The following NCK1 variants were observed in gnomAD, a reference collection of about 807,000 sequenced individuals.
NCK1 encodes NCK adaptor protein 1.
In NCK1, 19 loss-of-function variants were observed where a neutral mutation model predicts 36.6. The ratio of observed to expected loss-of-function variants is 0.52; its 90% CI spans 0.36 to 0.76. NCK1 has a LOEUF of 0.76. Ranked by LOEUF, NCK1 falls within the 30% of genes least tolerant of loss-of-function variation. The pLI is 0.00. For synonymous variants in NCK1, 165 were observed against 156.0 expected, an observed-to-expected ratio of 1.06 and a Z score of -0.43; for missense variants, 358 against 445.6, an observed-to-expected ratio of 0.80 and a Z score of 1.77.
chr3:136,918,535 T>C (rs1008745826), intron 1 of NCK1, among the ~76,000 whole-genome samples: 4 of 152,156 alleles, frequency 2.6e-5, no homozygotes, highest in Non-Finnish European at 5.9e-5. Context: ...GATTTTGGTA[T>C]TGGGGAGGAG....
intron 1 of NCK1, among the ~76,000 whole-genome samples, chr3:136,918,152 G>T (rs901862180): frequency 3.3e-5 from 5 of 152,026 alleles, no homozygotes; most frequent in Admixed American, 6.6e-5. Context: ...TGGTTTTATT[G>T]ATCCAGCAAG....
chr3:136,913,740 C>T (rs539909068), intron 1 of NCK1, among the ~76,000 whole-genome samples: 161 of 152,332 alleles, frequency 1.1e-3, no homozygotes, highest in African/African-American at 3.6e-3. Context: ...GCGATCTCGG[C>T]CCACTGCAAG....
At chr3:136,944,286 T>C (rs1275527300) in intron 2 of NCK1, among the ~76,000 whole-genome samples, 2 of 151,798 alleles carry the variant, frequency 1.3e-5, no homozygotes, top group African/African-American at 4.8e-5. Flanking sequence ...ACCCAGCTAA[T>C]TTTTGTATTT....
chr3:136,915,960 G>A (rs1576975286), intron 1 of NCK1, among the ~76,000 whole-genome samples: 2 of 152,138 alleles, frequency 1.3e-5, no homozygotes, highest in South Asian at 2.1e-4. Flanking sequence ...TCCTGAGCCC[G>A]GGTGATCTGC....
intron 1 of NCK1, among the ~76,000 whole-genome samples, chr3:136,863,188 T>C (rs1938297583): frequency 6.6e-6 from 1 of 152,074 alleles, no homozygotes; most frequent in African/African-American, 2.4e-5. Flanking sequence ...CCCTAGAAAT[T>C]AGGAAAGAAT....
chr3:136,890,261 C>T (rs958546944), intron 1 of NCK1, among the ~76,000 whole-genome samples: 20 of 152,252 alleles, frequency 1.3e-4, no homozygotes, highest in Admixed American at 6.5e-5. Flanking sequence ...CCCCACTGTC[C>T]GGCCGGCAGG....
At chr3:136,899,712 G>T (rs1482414472) in intron 1 of NCK1, 3 of 818,110 alleles carry the variant, frequency 3.7e-6, no homozygotes, top group Non-Finnish European at 6.5e-6. Context: ...GATACGAGGA[G>T]ACTTACTCAC....
chr3:136,947,505 T>C (rs1445608843), intron 3 of NCK1, among the ~76,000 whole-genome samples: 1 of 152,128 alleles, frequency 6.6e-6, no homozygotes, highest in African/African-American at 2.4e-5. Context: ...TTCACAGTGT[T>C]TTTTAAACAT....
intron 1 of NCK1, among the ~76,000 whole-genome samples, chr3:136,892,927 A>G (rs558188445): frequency 6.0e-4 from 91 of 152,002 alleles, no homozygotes; most frequent in African/African-American, 2.1e-3. Flanking sequence ...AGCAATGTAC[A>G]CTGTACCCAA....
chr3:136,871,395 C>T lies in NCK1; in HGVS notation c.-19+9042C>T, dbSNP rs550783588. The stretch of plus-strand genomic sequence containing the variant: ...CTTGGGGGACAGAGCGAGACGCTGT[C>T]TAAAAAAAACAAAATTAAAAATTTG... On this transcript the variant is annotated intron_variant, in intron 1 of 3. Coordinates refer to ENST00000481752, the MANE Select transcript of NCK1 (RefSeq NM_001291999.2). 2.6e-5 allele frequency among the ~76,000 whole-genome samples: 4 copies of T among 151,710 alleles called. No individual in the cohort carries two copies. In the South Asian group the frequency reaches 8.3e-4, roughly 32 times the overall value.
chr3:136,875,862 A>G (rs2108072705), intron 1 of NCK1, among the ~76,000 whole-genome samples: 1 of 151,160 alleles, frequency 6.6e-6, no homozygotes, highest in African/African-American at 2.4e-5. Flanking sequence ...TTTTTTCAGC[A>G]CCACACCACA....
intron 3 of NCK1, chr3:136,946,795 C>T (rs2108154991): frequency 6.6e-6 from 1 of 152,618 alleles, no homozygotes; most frequent in Middle Eastern, 3.4e-3. Flanking sequence ...TTTATTATAA[C>T]CTCAAAAAAC....
At chr3:136,941,575 A>G (rs141521782) in intron 2 of NCK1, among the ~76,000 whole-genome samples, 2 of 152,144 alleles carry the variant, frequency 1.3e-5, no homozygotes, top group Admixed American at 1.3e-4. Flanking sequence ...AGTACTATGC[A>G]TAACTCTGCT....
intron 1 of NCK1, among the ~76,000 whole-genome samples, chr3:136,866,681 T>G (rs1186506656): frequency 6.6e-6 from 1 of 151,704 alleles, no homozygotes; most frequent in Admixed American, 6.6e-5. Context: ...TGGCACCATC[T>G]TGGCTCACTG....
chr3:136,933,403 C>T (rs1003803754), intron 2 of NCK1, among the ~76,000 whole-genome samples: 1 of 152,140 alleles, frequency 6.6e-6, no homozygotes, highest in African/African-American at 2.4e-5. Context: ...CCTCAGGGAG[C>T]ACAGCTGTCA....
Position 136,949,884 on chromosome 3 carries a change from A to G in NCK1, c.*1431A>G, listed in dbSNP as rs1940929115. ...TAAATATTATTTAAATCTTAAAATC[A>G]TTTAAAGACTTATGTTGCCACTGGG... On this transcript the variant is annotated 3_prime_UTR_variant, in exon 4 of 4. Transcript: ENST00000481752. The G allele has an allele frequency of 3.9e-5, 6 of 152,216 alleles. No individual in the cohort carries two copies. In the South Asian group the frequency reaches 1.2e-3, roughly 32 times the overall value. 9.4% of individuals were successfully genotyped at this position (152,216 alleles called of 1,614,324 possible). A position where few individuals can be genotyped will look rare whatever the true frequency, so the allele number is the denominator to read the frequency against.
rs577974056 is a variant in NCK1 at position 136,936,570 on chromosome 3, A to G, written c.226+8343A>G. ...TTTTGAGAAACCATCTGTTTTTCAC[A>G]TGGTGGCACCATTTTACATTCCAAC... is the stretch of plus-strand genomic sequence containing the variant. On this transcript the variant is annotated intron_variant, in intron 2 of 3. Transcript: ENST00000481752. Among the ~76,000 whole-genome samples the G allele has an allele frequency of 6.6e-5, 10 of 152,318 alleles. No individual in the cohort carries two copies. The South Asian group carries it at 2.1e-3, about 32-fold the overall frequency.
chr3:136,906,869 A>G (rs1939700720), intron 1 of NCK1, among the ~76,000 whole-genome samples: 1 of 152,098 alleles, frequency 6.6e-6, no homozygotes, highest in Non-Finnish European at 1.5e-5. Flanking sequence ...GGTCTATGCT[A>G]GGTGATCGCC....
intron 1 of NCK1, among the ~76,000 whole-genome samples, chr3:136,898,599 A>G (rs1487297306): frequency 6.6e-6 from 1 of 152,202 alleles, no homozygotes; most frequent in Non-Finnish European, 1.5e-5. Flanking sequence ...CTATGAAAAA[A>G]TTTGGCTAAA....
Sources: gnomAD v4.1 joint callset for allele counts (sites outside exome capture counted in the v4.1 genomes callset) on GRCh38, gnomAD v4.1.1 for gene constraint, MANE v1.5 for transcripts, NCBI Gene and HGNC (gene_info 2026-07-23, HGNC 2026-07-21) for gene names.